Variants in DAB1 observed in about 807,000 individuals in gnomAD.
The protein encoded by DAB1 is disabled homolog 1.
A neutral mutation model predicts 64.6 loss-of-function variants in DAB1; 15 were observed. That is an observed-to-expected ratio of 0.23 (90% confidence interval 0.16 to 0.36). The LOEUF (loss-of-function observed/expected upper bound fraction) is 0.36. DAB1 is among the 10% of genes least tolerant of loss of function. The pLI is 1.00. For synonymous variants in DAB1, 235 were observed against 251.9 expected (o/e 0.93, Z 0.64); for missense variants, 596 against 706.7 (o/e 0.84, Z 1.78).
intron 4 of DAB1, among the ~76,000 whole-genome samples, chr1:58,281,841 G>T (rs1194878503): frequency 5.9e-5 from 9 of 152,146 alleles, no homozygotes; most frequent in Non-Finnish European, 1.3e-4. Context: ...ATGCATGTAT[G>T]TAAAGCACTT....
chr1:57,750,828 G>A (rs891946194), intron 6 of DAB1, among the ~76,000 whole-genome samples: 10 of 152,044 alleles, frequency 6.6e-5, no homozygotes, highest in South Asian at 2.1e-4. Flanking sequence ...TATCTGTACC[G>A]CCTGACATGA....
chr1:57,390,541 T>C (rs1682263577), intron 1 of DAB1, among the ~76,000 whole-genome samples: 1 of 152,224 alleles, frequency 6.6e-6, no homozygotes, highest in South Asian at 2.1e-4. Flanking sequence ...CCCAACTTTA[T>C]TCCAGTGGCA....
chr1:58,501,880 T>C (rs1282950178), intron 3 of DAB1, among the ~76,000 whole-genome samples: 1 of 152,122 alleles, frequency 6.6e-6, no homozygotes, highest in Non-Finnish European at 1.5e-5. Context: ...ATAGGATTAG[T>C]AGCTTTATAA....
chr1:58,242,907 T>A (rs1385645028), intron 4 of DAB1, among the ~76,000 whole-genome samples: 1 of 151,862 alleles, frequency 6.6e-6, no homozygotes, highest in Non-Finnish European at 1.5e-5. Context: ...AAAAATAACA[T>A]AAGCAAATGG....
chr1:58,138,527 A>C (rs1461593211), intron 5 of DAB1, among the ~76,000 whole-genome samples: 1 of 152,150 alleles, frequency 6.6e-6, no homozygotes, highest in Non-Finnish European at 1.5e-5. Context: ...CAGGCTCAGA[A>C]AACAATGAGT....
At chr1:58,238,044 C>T (rs1475555577) in intron 4 of DAB1, among the ~76,000 whole-genome samples, 1 of 152,152 alleles carries the variant, frequency 6.6e-6, no homozygotes, top group Non-Finnish European at 1.5e-5. Context: ...ACTTCAAAGC[C>T]CATGTCCTTT....
Position 58,466,577 on chromosome 1 carries a change from G to A in DAB1, n.257+39483C>T, listed in dbSNP as rs956617417. On this transcript the variant is annotated intron_variant and non_coding_transcript_variant, in intron 3 of 20. Transcript: ENST00000485760. ...GGAAGAATGCACAAGCAGCTGTCAC[G>A]GGAAGCCCTGACACTCTGCTCATTC... is the stretch of plus-strand genomic sequence containing the variant. Among the ~76,000 whole-genome samples the A allele has an allele frequency of 3.3e-5, 5 of 152,086 alleles. No individual in the cohort carries two copies. In the South Asian group the frequency reaches 6.3e-4, roughly 19 times the overall value.
In DAB1 at chr1:57,071,648, T is replaced by G; in HGVS notation, c.439-7A>C. On this transcript the variant is annotated splice_region_variant and splice_polypyrimidine_tract_variant and intron_variant, in intron 5 of 14. Transcript: ENST00000371236. ...CCAGAATAACAGGTTCAGCCTGGGA[T>G]GAAAGGTAGTAAGGCACATCATAAG... is the stretch of plus-strand genomic sequence containing the variant. 1 of 1,612,578 alleles carries G rather than the reference T, an allele frequency of 6.2e-7. No homozygotes were observed. Among genetic ancestry groups the G allele is most frequent in the Non-Finnish European group, 8.5e-7 (1 of 1,179,746 alleles).
chr1:58,261,250 A>T (rs1265473573), intron 4 of DAB1, among the ~76,000 whole-genome samples: 1 of 152,202 alleles, frequency 6.6e-6, no homozygotes, highest in Non-Finnish European at 1.5e-5. Context: ...TGGAAAAAAT[A>T]AAAAATAAAT....
At chr1:57,725,116 G>A (rs565879400) in intron 6 of DAB1, among the ~76,000 whole-genome samples, 1 of 152,236 alleles carries the variant, frequency 6.6e-6, no homozygotes, top group African/African-American at 2.4e-5. Context: ...TGTGGTTCCC[G>A]ACCCATCATT....
intron 1 of DAB1, among the ~76,000 whole-genome samples, chr1:57,851,917 G>A (rs1012869020): frequency 1.3e-5 from 2 of 152,124 alleles, no homozygotes; most frequent in Non-Finnish European, 2.9e-5. Flanking sequence ...CTACTCTGAG[G>A]AGTCTTTCCT....
chr1:58,496,605 T>C (rs1645806884), intron 3 of DAB1, among the ~76,000 whole-genome samples: 1 of 152,158 alleles, frequency 6.6e-6, no homozygotes, highest in Non-Finnish European at 1.5e-5. Context: ...TACATGAGGG[T>C]CCTTGTGGAG....
At chr1:57,221,565 G>A (rs1369379726) in intron 2 of DAB1, among the ~76,000 whole-genome samples, 3 of 152,068 alleles carry the variant, frequency 2.0e-5, no homozygotes, top group Admixed American at 2.0e-4. Flanking sequence ...GAATTGAACT[G>A]CCTAGCACAT....
rs181536134 is a variant in DAB1, at chr1:58,444,911, A to G, written n.257+61149T>C. Among the ~76,000 whole-genome samples the G allele has an allele frequency of 1.5e-3, 221 of 152,346 alleles. 1 individual carries two copies. The highest frequency in any genetic ancestry group is 5.1e-3 in the African/African-American group (214 of 41,588). On this transcript the variant is annotated intron_variant and non_coding_transcript_variant, in intron 3 of 20. Coordinates refer to the DAB1 transcript ENST00000485760. ...TGTATACATTATATATAAGCATATG[A>G]TATATACATACTATATAAAATGGCA...
chr1:57,385,424 T>C (rs1681728342), intron 1 of DAB1, among the ~76,000 whole-genome samples: 1 of 152,208 alleles, frequency 6.6e-6, no homozygotes, highest in South Asian at 2.1e-4. Context: ...TGTGTGGTTC[T>C]GGGCAGGATA....
chr1:57,322,689 A>G (rs563920320), intron 1 of DAB1, among the ~76,000 whole-genome samples: 45 of 152,306 alleles, frequency 3.0e-4, no homozygotes, highest in African/African-American at 1.1e-3. Context: ...GAGATACTCT[A>G]TTAAATCTCA....
intron 7 of DAB1, among the ~76,000 whole-genome samples, chr1:57,633,878 C>A (rs893108739): frequency 6.6e-6 from 1 of 152,172 alleles, no homozygotes; most frequent in African/African-American, 2.4e-5. Flanking sequence ...ACTGAACAAT[C>A]TTTTAAAAAT....
rs111638978 is a variant in DAB1, at chr1:57,048,623, G to C, written c.723+14261C>G. ...AGTAGTTTTCATACTACCTTCTCTG[G>C]ATCTCTTTCCTTCTAGAACTTTCTA... On this transcript the variant is annotated intron_variant, in intron 9 of 14. Transcript: ENST00000371236. Among the ~76,000 whole-genome samples the C allele has an allele frequency of 1.9e-4, 29 of 152,238 alleles. No homozygotes were observed. In the East Asian group the frequency reaches 5.4e-3, roughly 28 times the overall value.
chr1:57,840,689 C>A (rs1653010252), intron 1 of DAB1, among the ~76,000 whole-genome samples: 1 of 152,056 alleles, frequency 6.6e-6, no homozygotes, highest in Non-Finnish European at 1.5e-5. Context: ...GCAAGGGGGG[C>A]AAGTGCCACA....
Sources: gnomAD v4.1 joint callset for allele counts (sites outside exome capture counted in the v4.1 genomes callset) on GRCh38, gnomAD v4.1.1 for gene constraint, MANE v1.5 for transcripts, NCBI Gene and HGNC (gene_info 2026-07-23, HGNC 2026-07-21) for gene names.